The following CDC73 variants were observed in gnomAD, a reference collection of about 807,000 sequenced individuals.
CDC73 encodes parafibromin.
A neutral mutation model predicts 83.7 loss-of-function variants in CDC73; 21 were observed. The ratio of observed to expected loss-of-function variants is 0.25; its 90% CI spans 0.18 to 0.36. The LOEUF is 0.36. Among genes scored for constraint, CDC73 ranks in the 10% least tolerant of loss-of-function variants. The pLI is 1.00. For missense variants in CDC73, 342 were observed against 653.3 expected, an observed-to-expected ratio of 0.52 and a Z score of 5.19; for synonymous variants, 224 against 212.9, an observed-to-expected ratio of 1.05 and a Z score of -0.45.
At chr1:193,155,080 G>A (rs996333952) in intron 10 of CDC73, among the ~76,000 whole-genome samples, 1 of 152,098 alleles carries the variant, frequency 6.6e-6, no homozygotes, top group Non-Finnish European at 1.5e-5. Context: ...TCAGATTTCT[G>A]TTATATGCAA....
rs1227219632 is a variant in CDC73, at chr1:193,195,454, G to GA, written c.973-8339dup. Among the ~76,000 whole-genome samples the GA allele has an allele frequency of 2.0e-5, 3 of 152,016 alleles. No homozygotes were observed. In the East Asian group the frequency reaches 5.8e-4, roughly 29 times the overall value. On this transcript the variant is annotated intron_variant, in intron 10 of 16. Coordinates refer to ENST00000367435, the MANE Select transcript of CDC73 (RefSeq NM_024529.5). Reference sequence around the variant, plus strand: ...TGCCTATTGTGAATAATGCTGCTATGAACTTGGGTGTAAAAATATCTGTTT... The same window carrying GA: ...TGCCTATTGTGAATAATGCTGCTATGAAACTTGGGTGTAAAAATATCTGTTT...
intron 10 of CDC73, among the ~76,000 whole-genome samples, chr1:193,200,831 G>A (rs1677080106): frequency 6.6e-6 from 1 of 152,000 alleles, no homozygotes; most frequent in Admixed American, 6.6e-5. Context: ...TCATCTTTAG[G>A]GTGGAGGGTG....
chr1:193,130,234 G>A lies in CDC73; in HGVS notation c.298G>A (p.Gly100Ser). ...AAAAGATCTACTTGGATATCTCAATGGTGAAGCGTGTGAGTACTTTTTAAA... is the reference window on the plus strand; with the variant it reads ...AAAAGATCTACTTGGATATCTCAATAGTGAAGCGTGTGAGTACTTTTTAAA... The part of the protein sequence containing the change: ...DRKDLLGYLN[G>S]EASTSASIDR... Residue 100 changes from glycine to serine, a missense_variant, in exon 3 of 17, where the codon GGT becomes AGT. This residue lies in a region of CDC73 where 99 missense variants were observed against 174.5 expected (regional missense o/e 0.57). Transcript: ENST00000367435. 6.3e-7 allele frequency: 1 copy of A among 1,575,076 alleles called. No individual in the cohort carries two copies. Among genetic ancestry groups the A allele is most frequent in the Non-Finnish European group, 8.7e-7 (1 of 1,144,994 alleles).
At chr1:193,236,647 C>T in intron 15 of CDC73, 2 of 362,806 alleles carry the variant, frequency 5.5e-6, no homozygotes, top group Non-Finnish European at 1.1e-5. Context: ...GTAATCTCAG[C>T]ACTTTGGGAA....
chr1:193,212,357 T>TGG (rs745515207), intron 12 of CDC73, 33 bp from the exon 13 acceptor site: 2 of 1,246,718 alleles, frequency 1.6e-6, no homozygotes, highest in Non-Finnish European at 2.3e-6. Flanking sequence ...TTTCTAATAA[T>TGG]ATATTTTCTA....
rs974933613 is a variant in CDC73 at position 193,251,569 on chromosome 1, A to G, written c.*857A>G. 1 of 231,906 alleles carries G rather than the reference A, an allele frequency of 4.3e-6. No individual in the cohort carries two copies. The highest frequency in any genetic ancestry group is 5.7e-5 in the Admixed American group (1 of 17,676). The allele number at this position is 231,906 out of a possible 1,614,324, so 14.4% of individuals were successfully genotyped here. A position where few individuals can be genotyped will look rare whatever the true frequency, so the allele number is the denominator to read the frequency against. ...TAATTTTTATGGTATAGGATTTTGA[A>G]TCTTCTATTTTAGGCTTGTCAGTCT... On this transcript the variant is annotated 3_prime_UTR_variant, in exon 17 of 17. Transcript: ENST00000367435.
intron 10 of CDC73, among the ~76,000 whole-genome samples, chr1:193,160,192 A>G (rs2103139640): frequency 6.6e-6 from 1 of 152,258 alleles, no homozygotes; most frequent in African/African-American, 2.4e-5. Flanking sequence ...AACTTTTAAA[A>G]TTATTCTGCC....
At chr1:193,175,779 G>A (rs181439573) in intron 10 of CDC73, among the ~76,000 whole-genome samples, 1 of 152,290 alleles carries the variant, frequency 6.6e-6, no homozygotes, top group East Asian at 1.9e-4. Flanking sequence ...GTGGATTTTG[G>A]TGTCTGCAGA....
chr1:193,226,175 T>G (rs1274018440), intron 13 of CDC73, among the ~76,000 whole-genome samples: 5 of 152,080 alleles, frequency 3.3e-5, no homozygotes, highest in East Asian at 1.9e-4. Context: ...GTTGAATAGG[T>G]TGTCCTTTCC....
chr1:193,130,103 A>C, intron 2 of CDC73, 71 bp from the exon 3 acceptor site: 1 of 778,012 alleles, frequency 1.3e-6, no homozygotes, highest in Non-Finnish European at 2.3e-6. Flanking sequence ...TTCAGACATT[A>C]CATGTTAATA....
chr1:193,198,868 T>A (rs925988607), intron 10 of CDC73, among the ~76,000 whole-genome samples: 29 of 152,234 alleles, frequency 1.9e-4, no homozygotes, highest in African/African-American at 6.8e-4. Context: ...TGTTGTAGTT[T>A]AATTTTCTCA....
chr1:193,232,544 T>G (rs1318128300), intron 13 of CDC73, among the ~76,000 whole-genome samples: 3 of 152,170 alleles, frequency 2.0e-5, no homozygotes, highest in Non-Finnish European at 4.4e-5. Flanking sequence ...CACTCCATGA[T>G]CTGTACTTGC....
intron 11 of CDC73, among the ~76,000 whole-genome samples, chr1:193,209,019 AGAT>A (rs749751548): frequency 2.0e-5 from 3 of 152,132 alleles, no homozygotes; most frequent in African/African-American, 4.8e-5. Flanking sequence ...TGTTCCAATT[AGAT>A]TATGTGTTTG....
Position 193,122,671 on chromosome 1 carries a change from A to T in CDC73, c.131+340A>T, listed in dbSNP as rs1675477357. On this transcript the variant is annotated intron_variant, in intron 1 of 16. Transcript: ENST00000367435. ...ATACCTGAACATAGGTGCACAAAGG[A>T]GCACACCGTCTGGTGCCGTAGACGC... is the stretch of plus-strand genomic sequence containing the variant. The T allele has an allele frequency of 3.1e-5, 7 of 229,018 alleles. No individual in the cohort carries two copies. In the South Asian group the frequency reaches 4.1e-4, roughly 13 times the overall value. 14.2% of individuals were successfully genotyped at this position (229,018 alleles called of 1,614,324 possible).
chr1:193,148,139 CAGCAGTAATTCTTAACTGG>C (rs944090518), intron 8 of CDC73, among the ~76,000 whole-genome samples, 174 bp downstream of exon 8: 3 of 152,234 alleles, frequency 2.0e-5, no homozygotes, highest in Admixed American at 6.5e-5. Context: ...TTACTTACTT[CAGCAGTAATTCTTAACTGG>C]AGCAGTAATT....
Position 193,224,249 on chromosome 1 carries a change from G to A in CDC73, c.1155-8744G>A, listed in dbSNP as rs190758247. Among the ~76,000 whole-genome samples, 101 of 151,688 alleles carry A rather than the reference G, an allele frequency of 6.7e-4. 1 individual carries two copies. In the East Asian group the frequency reaches 0.017, roughly 26 times the overall value. ...GGGAATTATTGTTGCAGTTACTTAG[G>A]GGATCTGTCATATTATACGAGAAAC... On this transcript the variant is annotated intron_variant, in intron 13 of 16. Transcript: ENST00000367435.
intron 10 of CDC73, among the ~76,000 whole-genome samples, chr1:193,188,074 T>C (rs1025709375): frequency 3.3e-5 from 5 of 152,200 alleles, no homozygotes; most frequent in African/African-American, 1.2e-4. Flanking sequence ...TGTAGATCAG[T>C]ATTTATTTAT....
intron 10 of CDC73, among the ~76,000 whole-genome samples, chr1:193,153,562 G>C (rs1033879186): frequency 6.6e-6 from 1 of 151,936 alleles, no homozygotes; most frequent in Admixed American, 6.6e-5. Flanking sequence ...TATCTACGTG[G>C]GCTTTTACGT....
intron 15 of CDC73, among the ~76,000 whole-genome samples, chr1:193,244,328 T>G (rs1156617965): frequency 6.6e-6 from 1 of 152,242 alleles, no homozygotes; most frequent in Non-Finnish European, 1.5e-5. Flanking sequence ...CTTCTTCTTG[T>G]AAACTTTCCA....
Sources: allele counts gnomAD v4.1 joint callset (sites outside exome capture counted in the v4.1 genomes callset), GRCh38; gene constraint gnomAD v4.1.1; regional missense constraint gnomAD v4.1.1; transcripts MANE v1.5; gene names NCBI Gene and HGNC (gene_info 2026-07-23, HGNC 2026-07-21).